TSPAN7: variants seen among roughly 807,000 people sequenced by gnomAD.
TSPAN7 encodes tetraspanin-7.
A neutral mutation model predicts 17.6 loss-of-function variants in TSPAN7; 1 was observed. The observed-to-expected ratio is 0.06, with a 90% CI of 0.02 to 0.27. The LOEUF (loss-of-function observed/expected upper bound fraction) is 0.27, where lower values mean the gene tolerates loss of function less well. Ranked by LOEUF, TSPAN7 falls within the 10% of genes least tolerant of loss-of-function variation. TSPAN7 has a pLI of 1.00. For synonymous variants in TSPAN7, 78 were observed against 79.0 expected (o/e 0.99, Z 0.07); for missense variants, 112 against 201.7 (o/e 0.56, Z 2.69).
chrX:38,631,663 T>C (rs2069552708), intron 1 of TSPAN7, among the ~76,000 whole-genome samples: 1 of 111,693 alleles, frequency 9.0e-6, no homozygotes, highest in Non-Finnish European at 1.9e-5. Flanking sequence ...ATGATGTGCC[T>C]CTATTTTGGA....
chrX:38,616,421 G>A (rs1312408557), intron 1 of TSPAN7, among the ~76,000 whole-genome samples: 1 of 111,793 alleles, frequency 8.9e-6, no homozygotes, highest in African/African-American at 3.3e-5. Flanking sequence ...GTTCTGAATC[G>A]TGGTCATCTG....
chrX:38,684,212 C>A (rs1008227673), intron 6 of TSPAN7, among the ~76,000 whole-genome samples: 1 of 112,199 alleles, frequency 8.9e-6, no homozygotes, highest in African/African-American at 3.2e-5. Context: ...ATAGACTGGG[C>A]AAGAACTTTG....
chrX:38,563,780 A>G (rs2069127498), intron 1 of TSPAN7, among the ~76,000 whole-genome samples: 1 of 111,560 alleles, frequency 9.0e-6, no homozygotes, highest in Non-Finnish European at 1.9e-5. Context: ...GAACATTTTC[A>G]ATAGTTTAAA....
chrX:38,617,561 A>G (rs184349060), intron 1 of TSPAN7, among the ~76,000 whole-genome samples: 2 of 112,377 alleles, frequency 1.8e-5, no homozygotes, highest in African/African-American at 3.2e-5. Flanking sequence ...GATGTGCTCT[A>G]TAGACAATAC....
chrX:38,647,604 T>C (rs1035374067), intron 1 of TSPAN7, among the ~76,000 whole-genome samples: 30 of 112,457 alleles, frequency 2.7e-4, no homozygotes, highest in African/African-American at 9.4e-4. Context: ...TTGCATGCTA[T>C]TAAGAGGACA....
intron 1 of TSPAN7, among the ~76,000 whole-genome samples, chrX:38,571,774 T>G (rs1418710719): frequency 9.0e-6 from 1 of 111,136 alleles, no homozygotes; most frequent in African/African-American, 3.3e-5. Flanking sequence ...TGATTCTGAT[T>G]CCTGGGATGT....
intron 1 of TSPAN7, among the ~76,000 whole-genome samples, chrX:38,651,744 A>G (rs1004603473): frequency 2.7e-5 from 3 of 111,706 alleles, no homozygotes; most frequent in Non-Finnish European, 5.6e-5. Flanking sequence ...GTAACGAGCT[A>G]TGTAATTTTC....
At chrX:38,588,816 G>A (rs2069273628) in intron 1 of TSPAN7, among the ~76,000 whole-genome samples, 1 of 111,700 alleles carries the variant, frequency 9.0e-6, no homozygotes, top group Non-Finnish European at 1.9e-5. Context: ...TTCCAGAAGT[G>A]AGTGTCTTAT....
At chrX:38,644,484 C>T (rs144856861) in intron 1 of TSPAN7, among the ~76,000 whole-genome samples, 1,903 of 111,879 alleles carry the variant, frequency 0.017, 28 homozygotes, top group Middle Eastern at 0.037. Flanking sequence ...AGTATTGTCA[C>T]TATATACAGT....
intron 5 of TSPAN7, among the ~76,000 whole-genome samples, chrX:38,677,805 G>A (rs2069864331): frequency 8.9e-6 from 1 of 112,492 alleles, no homozygotes; most frequent in African/African-American, 3.2e-5. Flanking sequence ...CTCAATGTCA[G>A]ACACCTAATC....
chrX:38,577,414 G>T (rs749298440), intron 1 of TSPAN7, among the ~76,000 whole-genome samples: 1 of 110,555 alleles, frequency 9.0e-6, no homozygotes, highest in African/African-American at 3.3e-5. Context: ...ATATTTGTTT[G>T]TTGGGTGTTC....
At chrX:38,613,404 C>A (rs997713906) in intron 1 of TSPAN7, among the ~76,000 whole-genome samples, 1 of 112,047 alleles carries the variant, frequency 8.9e-6, no homozygotes, top group Admixed American at 9.5e-5. Context: ...AGAGGCTTTT[C>A]TCAGATGTCT....
chrX:38,620,960 C>A (rs771566678), intron 1 of TSPAN7, among the ~76,000 whole-genome samples: 1 of 112,045 alleles, frequency 8.9e-6, no homozygotes, highest in Non-Finnish European at 1.9e-5. Flanking sequence ...ACTTAAAGCC[C>A]GTTAGAATTA....
chrX:38,578,621 C>CT (rs745722618), intron 1 of TSPAN7, among the ~76,000 whole-genome samples: 36 of 110,479 alleles, frequency 3.3e-4, no homozygotes, highest in South Asian at 1.2e-3. Context: ...CTTTGGGGGG[C>CT]TTTTTTCTCA....
Position 38,675,687 on chromosome X carries a change from T to C in TSPAN7, c.442-18T>C. On this transcript the variant is annotated intron_variant, in intron 4 of 7. Coordinates refer to ENST00000378482, the MANE Select transcript of TSPAN7 (RefSeq NM_004615.4). ...TTGATCTGCCATTTTTTTATTCTTT[T>C]CCTTTCCCTGTTAATAGCTGAGCTG... 8.3e-7 allele frequency: 1 copy of C among 1,211,009 alleles called. No individual in the cohort carries two copies. The highest frequency in any genetic ancestry group is 1.1e-6 in the Non-Finnish European group (1 of 895,208).
chrX:38,573,043 A>G (rs1218562950), intron 1 of TSPAN7, among the ~76,000 whole-genome samples: 3 of 111,704 alleles, frequency 2.7e-5, no homozygotes, highest in African/African-American at 9.7e-5. Context: ...TACCCACCTC[A>G]GTCAAGTGTT....
At chrX:38,593,464 G>C (rs1160065548) in intron 1 of TSPAN7, among the ~76,000 whole-genome samples, 1 of 111,471 alleles carries the variant, frequency 9.0e-6, no homozygotes, top group Non-Finnish European at 1.9e-5. Flanking sequence ...AAATATACTT[G>C]AGTGTAATAA....
intron 5 of TSPAN7, among the ~76,000 whole-genome samples, chrX:38,677,392 G>A (rs1404669894): frequency 3.6e-5 from 4 of 112,226 alleles, no homozygotes; most frequent in African/African-American, 1.3e-4. Context: ...TTTGTCTTCT[G>A]TATCACATGG....
At chrX:38,678,135 T>A (rs1470095010) in intron 5 of TSPAN7, among the ~76,000 whole-genome samples, 3 of 111,698 alleles carry the variant, frequency 2.7e-5, no homozygotes, top group African/African-American at 9.8e-5. Context: ...TGGGGACAGG[T>A]TTTATTTTGA....
Sources: gnomAD v4.1 joint callset for allele counts (sites outside exome capture counted in the v4.1 genomes callset) on GRCh38, gnomAD v4.1.1 for gene constraint, MANE v1.5 for transcripts, NCBI Gene and HGNC (gene_info 2026-07-23, HGNC 2026-07-21) for gene names.